Variants in XKR6 observed in about 807,000 individuals in gnomAD.
XKR6 encodes the protein XK related 6, also known as XK-related protein 6.
In XKR6, 22 loss-of-function variants were observed where a neutral mutation model predicts 56.7. The observed-to-expected ratio is 0.39, with a 90% CI of 0.28 to 0.55. The LOEUF is 0.55. XKR6 is among the 20% of genes least tolerant of loss of function. The pLI is 0.66. For synonymous variants in XKR6, 524 were observed against 387.8 expected (o/e 1.35, Z -4.13); for missense variants, 852 against 889.0 (o/e 0.96, Z 0.53).
rs1308607544 is a variant in XKR6 at position 11,009,218 on chromosome 8, G to A, written c.765-84388C>T. ...TCTCTTTCGCCCTCTCATTGAAAAG[G>A]TATAGGGTTTGGCCGGGCATGGTGA... is the stretch of plus-strand genomic sequence containing the variant. On this transcript the variant is annotated intron_variant, in intron 1 of 2. Coordinates refer to ENST00000416569, the MANE Select transcript of XKR6 (RefSeq NM_173683.4). Among the ~76,000 whole-genome samples, 6 of 152,238 alleles carry A rather than the reference G, an allele frequency of 3.9e-5. No individual in the cohort carries two copies. The East Asian group carries it at 7.7e-4, about 20-fold the overall frequency.
At chr8:11,144,244 G>GTGTGTGTGTGTGTGTGTGTGTA (rs767539492) in intron 1 of XKR6, among the ~76,000 whole-genome samples, 1,975 of 149,470 alleles carry the variant, frequency 0.013, 40 homozygotes, top group African/African-American at 0.039. Context: ...GTGTGTGTGT[G>GTGTGTGTGTGTGTGTGTGTGTA]TGTGTGTGTG....
chr8:10,915,561 G>A (rs1417923055), intron 2 of XKR6, among the ~76,000 whole-genome samples: 3 of 152,024 alleles, frequency 2.0e-5, no homozygotes, highest in South Asian at 2.1e-4. Flanking sequence ...GGTCGGTAGG[G>A]CGACCTCAGT....
chr8:11,049,619 T>C (rs1799495151), intron 1 of XKR6, among the ~76,000 whole-genome samples: 1 of 152,146 alleles, frequency 6.6e-6, no homozygotes, highest in Non-Finnish European at 1.5e-5. Context: ...GCGAGACCCA[T>C]CCTGCAAGAA....
rs371041842 is a variant in XKR6, at chr8:11,159,120, C to G, written c.764+41456G>C. Among the ~76,000 whole-genome samples, 9 of 152,326 alleles carry G rather than the reference C, an allele frequency of 5.9e-5. No individual in the cohort carries two copies. The East Asian group carries it at 1.7e-3, about 29-fold the overall frequency. ...CAGGTGGACATTAACAGTACTAGCT[C>G]ATGAATTTAGTTGGCCGTTTCAATG... On this transcript the variant is annotated intron_variant, in intron 1 of 2. Transcript: ENST00000416569.
intron 1 of XKR6, among the ~76,000 whole-genome samples, chr8:11,039,895 C>G (rs530464565): frequency 6.6e-6 from 1 of 152,224 alleles, no homozygotes; most frequent in Non-Finnish European, 1.5e-5. Flanking sequence ...GACATCAGCC[C>G]GTTAGCGGAA....
At chr8:10,968,368 A>C (rs1419143818) in intron 1 of XKR6, among the ~76,000 whole-genome samples, 2 of 152,222 alleles carry the variant, frequency 1.3e-5, no homozygotes, top group African/African-American at 2.4e-5. Flanking sequence ...AATCAGTAGA[A>C]TGTGTGTCTC....
At chr8:10,913,849 G>A (rs1000613257) in intron 2 of XKR6, among the ~76,000 whole-genome samples, 1 of 152,206 alleles carries the variant, frequency 6.6e-6, no homozygotes, top group Non-Finnish European at 1.5e-5. Flanking sequence ...GACGGGTGTG[G>A]AAAAGGATGG....
chr8:11,045,181 G>A (rs1799380199), intron 1 of XKR6, among the ~76,000 whole-genome samples: 1 of 138,882 alleles, frequency 7.2e-6, no homozygotes, highest in Admixed American at 8.2e-5. Context: ...CTGCCTCCAG[G>A]TTCAAGTGAT....
chr8:11,069,467 G>A (rs904303956), intron 1 of XKR6, among the ~76,000 whole-genome samples: 1 of 152,120 alleles, frequency 6.6e-6, no homozygotes, highest in Non-Finnish European at 1.5e-5. Context: ...GGGTCATACA[G>A]GCTTCAGCTC....
intron 1 of XKR6, among the ~76,000 whole-genome samples, chr8:11,132,404 G>A (rs557934986): frequency 6.6e-6 from 1 of 151,646 alleles, no homozygotes; most frequent in Non-Finnish European, 1.5e-5. Flanking sequence ...TGTCACCCAG[G>A]CTGGAGTGTG....
chr8:10,994,556 A>T (rs1157632856), intron 1 of XKR6, among the ~76,000 whole-genome samples: 1 of 152,210 alleles, frequency 6.6e-6, no homozygotes, highest in Non-Finnish European at 1.5e-5. Context: ...CTAAGAATCA[A>T]ATCTGGGAAC....
In XKR6 at chr8:10,898,102, C is replaced by T; in HGVS notation, c.1776G>A (p.Lys592=). Reference sequence around the variant, plus strand: ...AATGAGCATCCCAAGCTGGGTATCGCTTTCTTGGCATGTCAATCTTAATGA... The same window carrying T: ...AATGAGCATCCCAAGCTGGGTATCGTTTTCTTGGCATGTCAATCTTAATGA... ...GPLIKIDMPR[K]RYPAWDAHFV... The change falls in exon 3 of 3, where the codon AAG becomes AAA. Residue 592 remains lysine, a synonymous_variant. Transcript: ENST00000416569. The surrounding 1 kb of genome is among the most constrained non-coding windows in gnomAD (Gnocchi z 6.6). The T allele has an allele frequency of 6.2e-7, 1 of 1,614,142 alleles. No homozygotes were observed. Among genetic ancestry groups the T allele is most frequent in the Non-Finnish European group, 8.5e-7 (1 of 1,180,024 alleles).
chr8:11,154,678 G>C (rs1159217007), intron 1 of XKR6, among the ~76,000 whole-genome samples: 2 of 152,316 alleles, frequency 1.3e-5, no homozygotes, highest in Admixed American at 6.5e-5. Context: ...GTATCAGTCA[G>C]TGTATTTTTT....
At chr8:10,969,146 G>A (rs1034311087) in intron 1 of XKR6, among the ~76,000 whole-genome samples, 1 of 152,204 alleles carries the variant, frequency 6.6e-6, no homozygotes, top group South Asian at 2.1e-4. Context: ...CTGGGTCAGA[G>A]GTTGAGCCTG....
chr8:11,098,213 A>T lies in XKR6; in HGVS notation c.764+102363T>A, dbSNP rs74301691. Reference sequence around the variant, plus strand: ...AACTAGATCCCCAGGTGACTCTCTCACACACACACACGCACTCACACACGC... The same window carrying T: ...AACTAGATCCCCAGGTGACTCTCTCTCACACACACACGCACTCACACACGC... On this transcript the variant is annotated intron_variant, in intron 1 of 2. Transcript: ENST00000416569. Among the ~76,000 whole-genome samples the T allele has an allele frequency of 2.9e-3, 441 of 151,680 alleles. 10 individuals are homozygous for T. Among genetic ancestry groups the T allele is most frequent in the East Asian group, 0.022 (116 of 5,176 alleles).
At position 11,194,079 on chromosome 8, in the gene XKR6, A is replaced by C. The variant is rs7013478; in HGVS notation, c.764+6497T>G. Among the ~76,000 whole-genome samples the C allele has an allele frequency of 9.4e-3, 1,437 of 152,286 alleles. 28 individuals are homozygous for C. The highest frequency in any genetic ancestry group is 0.033 in the African/African-American group (1,364 of 41,544). ...CAAAACAATCCATGGCAGGACTTAG[A>C]ACTCTACTCCGAATCAGCACCTAGG... On this transcript the variant is annotated intron_variant, in intron 1 of 2. Coordinates refer to ENST00000416569, the MANE Select transcript of XKR6 (RefSeq NM_173683.4).
intron 1 of XKR6, among the ~76,000 whole-genome samples, chr8:11,152,359 T>A (rs534415570): frequency 4.5e-4 from 69 of 152,326 alleles, no homozygotes; most frequent in Non-Finnish European, 8.4e-4. Flanking sequence ...GCTGGCCTTA[T>A]CTACGCCAGT....
At chr8:10,985,049 C>G (rs1035010477) in intron 1 of XKR6, among the ~76,000 whole-genome samples, 3 of 152,024 alleles carry the variant, frequency 2.0e-5, no homozygotes, top group Admixed American at 2.0e-4. Context: ...AAGCAATCCT[C>G]CCACTTCAGC....
chr8:10,950,395 C>T (rs965252894), intron 1 of XKR6, among the ~76,000 whole-genome samples: 1 of 152,308 alleles, frequency 6.6e-6, no homozygotes, highest in Admixed American at 6.5e-5. Flanking sequence ...CTCCCTGTGC[C>T]AGGGCTGGGG....
Sources: allele counts gnomAD v4.1 joint callset (sites outside exome capture counted in the v4.1 genomes callset), GRCh38; gene constraint gnomAD v4.1.1; non-coding constraint Gnocchi (gnomAD v3.1); transcripts MANE v1.5; gene names NCBI Gene and HGNC (gene_info 2026-07-23, HGNC 2026-07-21).